Variants in TMEM165 observed in about 807,000 individuals in gnomAD.
TMEM165 encodes transmembrane protein 165.
In TMEM165, 19 loss-of-function variants were observed where a neutral mutation model predicts 30.0. The observed-to-expected ratio is 0.63, with a 90% CI of 0.44 to 0.93. The LOEUF is 0.93. TMEM165 is among the 40% of genes least tolerant of loss of function. TMEM165 has a pLI of 0.00. For synonymous variants in TMEM165, 168 were observed against 162.9 expected (o/e 1.03, Z -0.24); for missense variants, 340 against 417.0 (o/e 0.82, Z 1.61).
At chr4:55,396,483 G>C (rs1177285061) in intron 1 of TMEM165, 87 bp downstream of exon 1, 3 of 1,167,956 alleles carry the variant, frequency 2.6e-6, no homozygotes, top group African/African-American at 1.6e-5. Context: ...GCCGCACTCC[G>C]CCGGCCTCGG....
intron 1 of TMEM165, among the ~76,000 whole-genome samples, chr4:55,409,109 G>T (rs979215343): frequency 3.3e-5 from 5 of 152,016 alleles, no homozygotes; most frequent in African/African-American, 1.2e-4. Context: ...AAAGCAAGAA[G>T]CCCTTAAAAT....
chr4:55,420,580 C>A (rs1438564792), intron 4 of TMEM165, among the ~76,000 whole-genome samples: 1 of 152,088 alleles, frequency 6.6e-6, no homozygotes, highest in Non-Finnish European at 1.5e-5. Context: ...TCAGTGTTAG[C>A]CACACTTCCA....
intron 1 of TMEM165, chr4:55,399,071 G>C (rs554228134): frequency 6.6e-6 from 1 of 152,098 alleles, no homozygotes; most frequent in African/African-American, 2.4e-5. Context: ...AGTTAATTCC[G>C]GGACTCTTAT....
intron 3 of TMEM165, among the ~76,000 whole-genome samples, chr4:55,447,716 A>G (rs1313422774): frequency 1.3e-5 from 2 of 152,218 alleles, no homozygotes; most frequent in East Asian, 1.9e-4. Flanking sequence ...GAAAGTATGT[A>G]TCTCCTATCA....
intron 1 of TMEM165, among the ~76,000 whole-genome samples, chr4:55,407,826 A>G (rs1319121082): frequency 6.6e-6 from 1 of 152,244 alleles, no homozygotes; most frequent in African/African-American, 2.4e-5. Context: ...CTAATTGAGC[A>G]CTTACTGTGT....
chr4:55,453,386 T>C lies in TMEM165; in HGVS notation c.*1080T>C, dbSNP rs763550854. On this transcript the variant is annotated 3_prime_UTR_variant, in exon 4 of 4. Transcript: ENST00000608091. The stretch of plus-strand genomic sequence containing the variant: ...TTAAGAAAAATAAATAAAGGAAGTG[T>C]ATGCTTATCTACCTACAGTTTTCCT... The C allele has an allele frequency of 2.0e-5, 10 of 491,844 alleles. No individual in the cohort carries two copies. In the East Asian group the frequency reaches 2.6e-4, roughly 13 times the overall value. 30.5% of individuals were successfully genotyped at this position (491,844 alleles called of 1,614,324 possible). A position where few individuals can be genotyped will look rare whatever the true frequency, so the allele number is the denominator to read the frequency against.
intron 1 of TMEM165, among the ~76,000 whole-genome samples, chr4:55,403,577 A>G (rs565257050): frequency 1.2e-4 from 2 of 16,634 alleles, no homozygotes; most frequent in Non-Finnish European, 6.9e-4. Flanking sequence ...AAGTTTTTTT[A>G]AAAAAATCTT....
chr4:55,411,922 C>T (rs1262576468), intron 2 of TMEM165, 83 bp downstream of exon 2: 2 of 1,339,984 alleles, frequency 1.5e-6, no homozygotes, highest in African/African-American at 2.9e-5. Context: ...AGTCATTAAC[C>T]TAGTCTTATG....
At chr4:55,451,823 A>ACCC (rs2109761906) in intron 3 of TMEM165, among the ~76,000 whole-genome samples, 1 of 152,324 alleles carries the variant, frequency 6.6e-6, no homozygotes, top group African/African-American at 2.4e-5. Context: ...ACCTCTTTGG[A>ACCC]AAAGTTCTTT....
chr4:55,435,763 G>A lies in TMEM165; in HGVS notation c.408+11120G>A, dbSNP rs544004729. On this transcript the variant is annotated intron_variant, in intron 3 of 3. Coordinates refer to the TMEM165 transcript ENST00000608091. ...ATTCTAATTTGGAAAATGCTTATGA[G>A]GCCTTCCCTCTTTCTGAAAGTATGA... Among the ~76,000 whole-genome samples, 3 of 152,234 alleles carry A rather than the reference G, an allele frequency of 2.0e-5. No homozygotes were observed. In the South Asian group the frequency reaches 6.2e-4, roughly 32 times the overall value.
At chr4:55,435,356 A>AG (rs947204273) in intron 3 of TMEM165, 24 of 1,592,594 alleles carry the variant, frequency 1.5e-5, no homozygotes, top group Non-Finnish European at 1.7e-5. Context: ...AGGTCATCTG[A>AG]GTAACTCTTA....
rs368309689 is a variant in TMEM165, at chr4:55,403,861, C to T, written c.207+7465C>T. Among the ~76,000 whole-genome samples, 47 of 151,900 alleles carry T rather than the reference C, an allele frequency of 3.1e-4. 1 individual carries two copies. In the East Asian group the frequency reaches 4.3e-3, roughly 14 times the overall value. On this transcript the variant is annotated intron_variant, in intron 1 of 5. Transcript: ENST00000381334. ...TTTGTGTACCTCCTCTCTGTGTCCACGTTCCTATTCTCCTCCCTCAGTGCC... is the reference window on the plus strand; with the variant it reads ...TTTGTGTACCTCCTCTCTGTGTCCATGTTCCTATTCTCCTCCCTCAGTGCC...
At chr4:55,435,787 G>A (rs1354055647) in intron 3 of TMEM165, among the ~76,000 whole-genome samples, 1 of 152,174 alleles carries the variant, frequency 6.6e-6, no homozygotes, top group Non-Finnish European at 1.5e-5. Context: ...CTGAAAGTAT[G>A]AGAGAGTTTC....
intron 3 of TMEM165, among the ~76,000 whole-genome samples, chr4:55,451,877 G>A (rs1202251009): frequency 6.6e-6 from 1 of 152,152 alleles, no homozygotes; most frequent in East Asian, 1.9e-4. Flanking sequence ...GCATTATTCA[G>A]TGCTGTATTC....
chr4:55,426,914 T>C (rs958675988), downstream of TMEM165, among the ~76,000 whole-genome samples: 4 of 152,318 alleles, frequency 2.6e-5, no homozygotes, highest in Admixed American at 2.0e-4. Context: ...TTTTCTGCTA[T>C]AGGAAGTATC....
downstream of TMEM165, among the ~76,000 whole-genome samples, chr4:55,427,353 T>G (rs1366774827): frequency 2.1e-5 from 2 of 95,406 alleles, no homozygotes; most frequent in African/African-American, 9.9e-5. Context: ...ACGTTTTGTT[T>G]GTTTGGAGAC....
intron 3 of TMEM165, among the ~76,000 whole-genome samples, chr4:55,446,723 A>T (rs1047856245): frequency 2.6e-5 from 4 of 152,168 alleles, no homozygotes; most frequent in Admixed American, 2.6e-4. Flanking sequence ...TTCATCTCTT[A>T]AGTCTATACA....
At chr4:55,422,274 T>C (rs1256961413) in intron 4 of TMEM165, among the ~76,000 whole-genome samples, 1 of 152,196 alleles carries the variant, frequency 6.6e-6, no homozygotes, top group African/African-American at 2.4e-5. Context: ...ATTGACTCTT[T>C]TTTTTGAGAG....
rs1335449731 is a variant in TMEM165 at position 55,396,075 on chromosome 4, A to G, written c.-115A>G. Reference sequence around the variant, plus strand: ...CCCGGATGGTGCTGACTGCTCCCTAAGCGGCGGCGGCGGCGAGTCGTGAGG... The same window carrying G: ...CCCGGATGGTGCTGACTGCTCCCTAGGCGGCGGCGGCGGCGAGTCGTGAGG... On this transcript the variant is annotated 5_prime_UTR_variant, in exon 1 of 6. The change abolishes the stop of an existing upstream ORF in the 5' untranslated region. Coordinates refer to ENST00000381334, the MANE Select transcript of TMEM165 (RefSeq NM_018475.5). 7.0e-6 allele frequency: 6 copies of G among 856,410 alleles called. No individual in the cohort carries two copies. Among genetic ancestry groups the G allele is most frequent in the Non-Finnish European group, 9.5e-6 (6 of 633,044 alleles). The allele number at this position is 856,410 out of a possible 1,614,324, so 53.1% of individuals were successfully genotyped here.
Sources: gnomAD v4.1 joint callset for allele counts (sites outside exome capture counted in the v4.1 genomes callset) on GRCh38, gnomAD v4.1.1 for gene constraint, MANE v1.5 for transcripts, NCBI Gene and HGNC (gene_info 2026-07-23, HGNC 2026-07-21) for gene names.